Variants in PTPRM observed in about 807,000 individuals in gnomAD.
The protein encoded by PTPRM is protein tyrosine phosphatase receptor type M.
Under a neutral mutation model 186.7 loss-of-function variants are expected in PTPRM, and 47 were observed. The ratio of observed to expected loss-of-function variants is 0.25; its 90% CI spans 0.20 to 0.32. The LOEUF (loss-of-function observed/expected upper bound fraction) is 0.32, where lower values mean the gene tolerates loss of function less well. Among genes scored for constraint, PTPRM ranks in the 10% least tolerant of loss-of-function variants. The pLI, the probability that PTPRM is intolerant of heterozygous loss-of-function variation, is 1.00. For synonymous variants in PTPRM, 668 were observed against 674.9 expected (o/e 0.99, Z 0.16); for missense variants, 1,494 against 1,865.0 (o/e 0.80, Z 3.66).
At chr18:8,019,686 G>T (rs1308031145) in intron 7 of PTPRM, among the ~76,000 whole-genome samples, 1 of 149,786 alleles carries the variant, frequency 6.7e-6, no homozygotes, top group African/African-American at 2.4e-5. Flanking sequence ...GAGGATTAGG[G>T]GTGGTGCTTC....
Position 7,949,467 on chromosome 18 carries a change from G to A in PTPRM, c.838+112G>A, listed in dbSNP as rs1432159321. The A allele has an allele frequency of 3.1e-5, 28 of 889,112 alleles. No individual in the cohort carries two copies. The Admixed American group carries it at 9.5e-4, about 30-fold the overall frequency. 55.1% of individuals were successfully genotyped at this position (889,112 alleles called of 1,614,324 possible). On this transcript the variant is annotated intron_variant, in intron 6 of 32. Coordinates refer to ENST00000580170, the MANE Select transcript of PTPRM (RefSeq NM_001105244.2). ...TTACCCTTGTCTGTTTCTGAGCAGT[G>A]GTTTGATGACAGGCTATTTTGATGG...
At chr18:7,593,863 C>T (rs8092801) in intron 1 of PTPRM, among the ~76,000 whole-genome samples, 18,714 of 152,162 alleles carry the variant, frequency 0.12, 2,151 homozygotes, top group African/African-American at 0.3. Context: ...GAAGACCAGA[C>T]ACCCACAGTT....
At chr18:8,020,936 A>T (rs2085179297) in intron 7 of PTPRM, among the ~76,000 whole-genome samples, 1 of 152,102 alleles carries the variant, frequency 6.6e-6, no homozygotes, top group Non-Finnish European at 1.5e-5. Flanking sequence ...AATTCACCAA[A>T]GTTTCCCAGA....
rs903697750 is a variant in PTPRM, at chr18:7,862,365, A to T, written c.197-25741A>T. Among the ~76,000 whole-genome samples the T allele has an allele frequency of 2.6e-5, 4 of 152,350 alleles. No homozygotes were observed. In the East Asian group the frequency reaches 5.8e-4, roughly 22 times the overall value. ...GATGACAACGTCACAAATACTGCTA[A>T]TAAAATTGTGCTTTGTCAACTACAT... On this transcript the variant is annotated intron_variant, in intron 2 of 32. Transcript: ENST00000580170.
At chr18:8,141,691 C>A (rs1399140756) in intron 13 of PTPRM, among the ~76,000 whole-genome samples, 1 of 152,120 alleles carries the variant, frequency 6.6e-6, no homozygotes, top group African/African-American at 2.4e-5. Flanking sequence ...AACTTAGTTA[C>A]AAAACATACC....
Position 7,668,825 on chromosome 18 carries a change from C to T in PTPRM, c.73+100934C>T, listed in dbSNP as rs369844052. The stretch of plus-strand genomic sequence containing the variant: ...TCCTTACCCTGAGCTGTTTTTATTT[C>T]TGCTTAGTCACCACCTTCTAGAATA... On this transcript the variant is annotated intron_variant, in intron 1 of 32. Coordinates refer to ENST00000580170, the MANE Select transcript of PTPRM (RefSeq NM_001105244.2). This position sits in a 1 kb window ranked among gnomAD's most constrained non-coding sequence, Gnocchi z 4.7. 8.9e-4 allele frequency among the ~76,000 whole-genome samples: 136 copies of T among 152,296 alleles called. No homozygotes were observed. The highest frequency in any genetic ancestry group is 1.6e-3 in the Non-Finnish European group (112 of 68,020).
At chr18:8,237,433 T>G (rs1459444394) in intron 14 of PTPRM, among the ~76,000 whole-genome samples, 3 of 65,582 alleles carry the variant, frequency 4.6e-5, no homozygotes, top group Non-Finnish European at 9.9e-5. Context: ...TTCCCTCAAT[T>G]TTTTTTTTTT....
chr18:8,166,967 T>C (rs2093332952), intron 14 of PTPRM, among the ~76,000 whole-genome samples: 1 of 152,216 alleles, frequency 6.6e-6, no homozygotes, highest in Non-Finnish European at 1.5e-5. Context: ...TGAATTATTA[T>C]GATACTCATA....
At chr18:8,295,341 C>A (rs530554926) in intron 19 of PTPRM, among the ~76,000 whole-genome samples, 1 of 152,072 alleles carries the variant, frequency 6.6e-6, no homozygotes, top group South Asian at 2.1e-4. Flanking sequence ...TGGAAATGGC[C>A]AAGACGGCTG....
At chr18:8,299,368 C>T (rs1455644042) in intron 20 of PTPRM, among the ~76,000 whole-genome samples, 2 of 152,134 alleles carry the variant, frequency 1.3e-5, no homozygotes, top group Non-Finnish European at 2.9e-5. Context: ...GGGTGGATTA[C>T]ATGAGGTCAG....
At chr18:7,691,789 A>G (rs150778158) in intron 1 of PTPRM, among the ~76,000 whole-genome samples, 131 of 152,252 alleles carry the variant, frequency 8.6e-4, no homozygotes, top group African/African-American at 3.1e-3. Flanking sequence ...CAAAAAAACA[A>G]TTGGTCATGG....
intron 7 of PTPRM, among the ~76,000 whole-genome samples, chr18:8,056,901 G>C (rs979477161): frequency 2.6e-5 from 4 of 152,030 alleles, no homozygotes; most frequent in African/African-American, 4.8e-5. Flanking sequence ...AGGGCGTATA[G>C]ACAAAGATGC....
intron 22 of PTPRM, among the ~76,000 whole-genome samples, chr18:8,339,447 C>A (rs941266822): frequency 6.6e-6 from 1 of 152,166 alleles, no homozygotes; most frequent in Non-Finnish European, 1.5e-5. Flanking sequence ...GGCTCCCCCC[C>A]AGCCAGAAAC....
intron 14 of PTPRM, among the ~76,000 whole-genome samples, chr18:8,178,056 C>T (rs990455469): frequency 6.6e-6 from 1 of 152,176 alleles, no homozygotes; most frequent in African/African-American, 2.4e-5. Context: ...CATGCTTGAG[C>T]CCACTTGCCC....
chr18:7,610,547 T>C (rs993447886), intron 1 of PTPRM, among the ~76,000 whole-genome samples: 2 of 152,206 alleles, frequency 1.3e-5, no homozygotes, highest in African/African-American at 2.4e-5. Flanking sequence ...ATGTGTCACA[T>C]AGCATTGTTT....
At chr18:8,078,828 G>A (rs1253122491) in intron 9 of PTPRM, among the ~76,000 whole-genome samples, 1 of 152,150 alleles carries the variant, frequency 6.6e-6, no homozygotes, top group Non-Finnish European at 1.5e-5. Context: ...GCAAGAGAGA[G>A]CAAAGTAGGG....
intron 4 of PTPRM, among the ~76,000 whole-genome samples, chr18:7,909,936 A>C (rs1448926144): frequency 6.6e-6 from 1 of 152,220 alleles, no homozygotes; most frequent in Admixed American, 6.5e-5. Flanking sequence ...TGATATGCAC[A>C]CTAAAAATAT....
intron 20 of PTPRM, among the ~76,000 whole-genome samples, chr18:8,300,253 A>G (rs1040752979): frequency 1.3e-5 from 2 of 152,134 alleles, no homozygotes; most frequent in Non-Finnish European, 2.9e-5. Context: ...CTCAGGCAAA[A>G]GAGAAGGTCG....
In PTPRM at chr18:8,217,307, G is replaced by A. The variant is rs916243095; in HGVS notation, c.2301-26751G>A. ...AGTCGGCAAGTCAGTAGGTTTCTGC[G>A]TATCAAGAAGGAAGAGCAGAGGAAC... is the stretch of plus-strand genomic sequence containing the variant. On this transcript the variant is annotated intron_variant, in intron 14 of 32. Coordinates refer to ENST00000580170, the MANE Select transcript of PTPRM (RefSeq NM_001105244.2). Among the ~76,000 whole-genome samples, 8 of 152,284 alleles carry A rather than the reference G, an allele frequency of 5.3e-5. No individual in the cohort carries two copies. In the East Asian group the frequency reaches 5.8e-4, roughly 11 times the overall value.
Sources: allele counts gnomAD v4.1 joint callset (sites outside exome capture counted in the v4.1 genomes callset), GRCh38; gene constraint gnomAD v4.1.1; non-coding constraint Gnocchi (gnomAD v3.1); transcripts MANE v1.5; gene names NCBI Gene and HGNC (gene_info 2026-07-23, HGNC 2026-07-21).